RBFOX1: variants seen among roughly 807,000 people sequenced by gnomAD.
RBFOX1 encodes the protein RNA binding fox-1 homolog 1, also known as RNA binding protein fox-1 homolog 1.
In RBFOX1, 8 loss-of-function variants were observed where a neutral mutation model predicts 57.7. That is an observed-to-expected ratio of 0.14 (90% confidence interval 0.08 to 0.25). The LOEUF (loss-of-function observed/expected upper bound fraction) is 0.25, where lower values mean the gene tolerates loss of function less well. Ranked by LOEUF, RBFOX1 falls within the 10% of genes least tolerant of loss-of-function variation. The pLI is 1.00. For missense variants in RBFOX1, 611 were observed against 548.5 expected, an observed-to-expected ratio of 1.11 and a Z score of -1.14; for synonymous variants, 326 against 222.4, an observed-to-expected ratio of 1.47 and a Z score of -4.15.
At chr16:6,738,476 T>C (rs752452748) in intron 3 of RBFOX1, among the ~76,000 whole-genome samples, 1 of 152,146 alleles carries the variant, frequency 6.6e-6, no homozygotes, top group South Asian at 2.1e-4. Flanking sequence ...AAAAGAGCTG[T>C]AAAATCTGTG....
At chr16:5,548,015 A>G (rs1427423439) in intron 2 of RBFOX1, among the ~76,000 whole-genome samples, 2 of 151,140 alleles carry the variant, frequency 1.3e-5, no homozygotes, top group African/African-American at 2.4e-5. Flanking sequence ...AAAAAAATTA[A>G]CCGGGCGTGG....
Position 7,221,363 on chromosome 16 carries a change from A to T in RBFOX1, c.27+169265A>T, listed in dbSNP as rs749339169. Among the ~76,000 whole-genome samples the T allele has an allele frequency of 4.2e-3, 618 of 146,546 alleles. 3 individuals are homozygous for T. Among genetic ancestry groups the T allele is most frequent in the Middle Eastern group, 0.024 (7 of 292 alleles). On this transcript the variant is annotated intron_variant, in intron 4 of 15. Transcript: ENST00000550418. Reference sequence around the variant, plus strand: ...TATTTGATTATTTATTTATTTATTTATTTTTTTATTTATTTATTTATGAGA... The same window carrying T: ...TATTTGATTATTTATTTATTTATTTTTTTTTTTATTTATTTATTTATGAGA...
intron 1 of RBFOX1, among the ~76,000 whole-genome samples, chr16:6,194,616 C>A (rs2097168054): frequency 6.6e-6 from 1 of 152,164 alleles, no homozygotes; most frequent in African/African-American, 2.4e-5. Context: ...TCTTCTAACT[C>A]TCGATTCAGA....
intron 3 of RBFOX1, among the ~76,000 whole-genome samples, chr16:7,016,986 AT>A (rs2093947871): frequency 6.6e-6 from 1 of 151,924 alleles, no homozygotes; most frequent in South Asian, 2.1e-4. Flanking sequence ...CATTATTTTC[AT>A]TTCCTGGTTG....
In RBFOX1 at chr16:7,502,486, G is replaced by A. The variant is rs114890473; in HGVS notation, c.28-15661G>A. Among the ~76,000 whole-genome samples the A allele has an allele frequency of 3.1e-3, 479 of 152,256 alleles. 4 individuals carry two copies. Among genetic ancestry groups the A allele is most frequent in the African/African-American group, 0.011 (448 of 41,540 alleles). On this transcript the variant is annotated intron_variant, in intron 4 of 15. Coordinates refer to ENST00000550418, the MANE Select transcript of RBFOX1 (RefSeq NM_018723.4). The stretch of plus-strand genomic sequence containing the variant: ...TATCATGCCTCCACAAAGCCATTGG[G>A]TTGTTTAGACTATGTTTACGTACCC...
intron 5 of RBFOX1, among the ~76,000 whole-genome samples, chr16:7,566,315 GCT>G (rs1288139701): frequency 6.6e-6 from 1 of 152,054 alleles, no homozygotes; most frequent in Non-Finnish European, 1.5e-5. Flanking sequence ...CCACCTCACT[GCT>G]CTGTTTCCAG....
chr16:6,795,006 ACAGT>A (rs894323604), intron 3 of RBFOX1, among the ~76,000 whole-genome samples: 41 of 152,258 alleles, frequency 2.7e-4, no homozygotes, highest in African/African-American at 7.7e-4. Context: ...ACATCTCCTG[ACAGT>A]CAGCTTAATT....
chr16:7,239,377 T>C (rs906458454), intron 4 of RBFOX1, among the ~76,000 whole-genome samples: 2 of 152,152 alleles, frequency 1.3e-5, no homozygotes, highest in African/African-American at 4.8e-5. Flanking sequence ...TGCATGCCTG[T>C]AATCCCAGTT....
At chr16:5,629,385 C>G (rs1438817523) in intron 3 of RBFOX1, among the ~76,000 whole-genome samples, 1 of 152,218 alleles carries the variant, frequency 6.6e-6, no homozygotes, top group African/African-American at 2.4e-5. Flanking sequence ...CTGCCGTGGT[C>G]AACCAGGACT....
chr16:5,998,303 C>A (rs1216118830), intron 4 of RBFOX1, among the ~76,000 whole-genome samples: 2 of 152,172 alleles, frequency 1.3e-5, no homozygotes, highest in African/African-American at 2.4e-5. Flanking sequence ...GGATCTATTG[C>A]AATTCATTAA....
intron 3 of RBFOX1, among the ~76,000 whole-genome samples, chr16:6,769,022 C>T (rs1320224918): frequency 6.6e-6 from 1 of 152,112 alleles, no homozygotes; most frequent in Admixed American, 6.6e-5. Flanking sequence ...CCACTGCGCC[C>T]AGCCAATATT....
chr16:5,915,557 C>T (rs369571861), intron 4 of RBFOX1, among the ~76,000 whole-genome samples: 18 of 152,058 alleles, frequency 1.2e-4, no homozygotes, highest in Admixed American at 7.2e-4. Flanking sequence ...ACAGGCTGGG[C>T]GCCGTGGCTC....
chr16:6,586,688 T>G lies in RBFOX1; in HGVS notation c.-63-67915T>G, dbSNP rs558618469. Among the ~76,000 whole-genome samples, 6 of 152,288 alleles carry G rather than the reference T, an allele frequency of 3.9e-5. No homozygotes were observed. In the South Asian group the frequency reaches 1.2e-3, roughly 32 times the overall value. ...GTGGCAAGATGGCTTCCAGCAGGGA[T>G]ACGCTTACATCATCCCAGCTCAGGA... On this transcript the variant is annotated intron_variant, in intron 2 of 15. Transcript: ENST00000550418.
chr16:5,745,629 G>A (rs1021824182), intron 3 of RBFOX1, among the ~76,000 whole-genome samples: 7 of 152,104 alleles, frequency 4.6e-5, no homozygotes, highest in African/African-American at 1.4e-4. Context: ...TTTAATGATC[G>A]CCATTGTAAC....
intron 2 of RBFOX1, among the ~76,000 whole-genome samples, chr16:5,559,151 A>T (rs2045791668): frequency 7.4e-6 from 1 of 135,676 alleles, no homozygotes; most frequent in Non-Finnish European, 1.5e-5. Flanking sequence ...TATAGCTAGG[A>T]GAACCCCCCC....
At chr16:7,223,700 G>A (rs1320116534) in intron 4 of RBFOX1, among the ~76,000 whole-genome samples, 10 of 135,610 alleles carry the variant, frequency 7.4e-5, no homozygotes, top group East Asian at 2.3e-4. Flanking sequence ...ACTATATGCC[G>A]TCAGTGTTTC....
chr16:6,996,692 G>GGGAT (rs2092281697), intron 3 of RBFOX1, among the ~76,000 whole-genome samples: 1 of 152,162 alleles, frequency 6.6e-6, no homozygotes. Flanking sequence ...TGGCAGGATT[G>GGGAT]GGATTCAATT....
At chr16:5,273,324 C>T (rs1475027972) in intron 1 of RBFOX1, among the ~76,000 whole-genome samples, 4 of 151,906 alleles carry the variant, frequency 2.6e-5, no homozygotes, top group African/African-American at 7.3e-5. Context: ...ACACTAATAG[C>T]ACCTACTATG....
At position 6,483,315 on chromosome 16, in the gene RBFOX1, C is replaced by T. The variant is rs1401012162; in HGVS notation, c.-64+166258C>T. On this transcript the variant is annotated intron_variant, in intron 2 of 15. Transcript: ENST00000550418. ...CTGCTCGCTCTCGCGCCCGCGCGCT[C>T]GGGGCGTTCTGCACCTGCTGGCGGT... 16 of 1,421,844 alleles carry T rather than the reference C, an allele frequency of 1.1e-5. No individual in the cohort carries two copies. The South Asian group carries it at 1.9e-4, about 17-fold the overall frequency. The allele number at this position is 1,421,844 out of a possible 1,614,324, so 88.1% of individuals were successfully genotyped here. A position where few individuals can be genotyped will look rare whatever the true frequency, so the allele number is the denominator to read the frequency against.
Sources: allele counts gnomAD v4.1 joint callset (sites outside exome capture counted in the v4.1 genomes callset), GRCh38; gene constraint gnomAD v4.1.1; transcripts MANE v1.5; gene names NCBI Gene and HGNC (gene_info 2026-07-23, HGNC 2026-07-21).